Variants in ARSB observed in about 807,000 individuals in gnomAD.
ARSB encodes arylsulfatase B.
A neutral mutation model predicts 50.9 loss-of-function variants in ARSB; 41 were observed. The observed-to-expected ratio is 0.81, with a 90% CI of 0.63 to 1.04. The LOEUF is 1.04. ARSB is among the 50% of genes least tolerant of loss of function. The probability of loss-of-function intolerance (pLI) is 0.00; values close to 1 mark genes in which losing one functional copy is unlikely to be tolerated. For missense variants in ARSB, 672 were observed against 693.3 expected (o/e 0.97, Z 0.35); for synonymous variants, 269 against 284.8 (o/e 0.94, Z 0.56).
At position 78,862,906 on chromosome 5, in the gene ARSB, T is replaced by C. The variant is rs559258279; in HGVS notation, c.1142+22678A>G. 7.2e-5 allele frequency among the ~76,000 whole-genome samples: 11 copies of C among 151,848 alleles called. No individual in the cohort carries two copies. In the East Asian group the frequency reaches 1.9e-3, roughly 27 times the overall value. On this transcript the variant is annotated intron_variant, in intron 5 of 7. Transcript: ENST00000264914. The stretch of plus-strand genomic sequence containing the variant: ...TCTACAAAGAACTTAAACAAATTTA[T>C]AGGAAAAAATCAAGTAACCCCATCA...
At chr5:78,967,671 T>C (rs1279810342) in intron 2 of ARSB, among the ~76,000 whole-genome samples, 2 of 112,880 alleles carry the variant, frequency 1.8e-5, no homozygotes, top group East Asian at 4.7e-4. Context: ...AGACTCCGTA[T>C]ATAAAAAAAA....
At chr5:78,969,770 C>G (rs1752370154) in intron 1 of ARSB, among the ~76,000 whole-genome samples, 1 of 152,138 alleles carries the variant, frequency 6.6e-6, no homozygotes, top group Admixed American at 6.5e-5. Context: ...GCGCCCACCA[C>G]CATACCTAAC....
At chr5:78,796,256 A>G (rs1308292130) in intron 6 of ARSB, among the ~76,000 whole-genome samples, 2 of 152,274 alleles carry the variant, frequency 1.3e-5, no homozygotes, top group African/African-American at 4.8e-5. Context: ...TGATCACTAT[A>G]TGTGTTAGAC....
chr5:78,978,864 GA>G (rs1352056974), intron 1 of ARSB, among the ~76,000 whole-genome samples: 3 of 152,130 alleles, frequency 2.0e-5, no homozygotes, highest in African/African-American at 7.2e-5. Flanking sequence ...TGTAAAAACT[GA>G]AAACTATAAA....
At chr5:78,794,173 G>T (rs59389620) in intron 6 of ARSB, among the ~76,000 whole-genome samples, 1 of 151,988 alleles carries the variant, frequency 6.6e-6, no homozygotes, top group Admixed American at 6.6e-5. Context: ...TATAAGCTGG[G>T]TATAGGTGCT....
intron 5 of ARSB, among the ~76,000 whole-genome samples, chr5:78,858,403 C>T (rs1746261317): frequency 6.6e-6 from 1 of 152,156 alleles, no homozygotes; most frequent in Admixed American, 6.5e-5. Context: ...AGGAGACAGC[C>T]ACTGACCAGT....
intron 5 of ARSB, among the ~76,000 whole-genome samples, chr5:78,852,531 T>C (rs1745870667): frequency 6.6e-6 from 1 of 152,176 alleles, no homozygotes; most frequent in African/African-American, 2.4e-5. Context: ...GACAATTATG[T>C]GTCTTGGAGT....
chr5:78,806,300 G>A (rs16875952), intron 6 of ARSB, among the ~76,000 whole-genome samples: 36,829 of 152,220 alleles, frequency 0.24, 6,238 homozygotes, highest in African/African-American at 0.48. Context: ...CCTGAAGGAT[G>A]TCATAGGCTG....
At position 78,862,395 on chromosome 5, in the gene ARSB, T is replaced by C. The variant is rs375891436; in HGVS notation, c.1143-22969A>G. ...CAAGGCTACAGTAACCAAAACAGCA[T>C]GGTACTGGTACCAAAACAGAGATAT... On this transcript the variant is annotated intron_variant, in intron 5 of 7. Transcript: ENST00000264914. 1.2e-4 allele frequency among the ~76,000 whole-genome samples: 18 copies of C among 152,316 alleles called. No individual in the cohort carries two copies. The East Asian group carries it at 1.5e-3, about 13-fold the overall frequency.
intron 6 of ARSB, among the ~76,000 whole-genome samples, chr5:78,811,845 G>A (rs1743816251): frequency 2.0e-5 from 3 of 152,130 alleles, no homozygotes; most frequent in South Asian, 4.1e-4. Context: ...TAAAAACTCA[G>A]TATAAAAAGC....
chr5:78,839,499 C>T, intron 5 of ARSB, 73 bp from the exon 6 acceptor site: 1 of 1,367,134 alleles, frequency 7.3e-7, no homozygotes. Flanking sequence ...TACTTCCCTT[C>T]CTTGTACTTA....
At chr5:78,888,592 G>A (rs1748143807) in intron 4 of ARSB, among the ~76,000 whole-genome samples, 1 of 152,180 alleles carries the variant, frequency 6.6e-6, no homozygotes, top group African/African-American at 2.4e-5. Context: ...TCCTTCAGTT[G>A]CACATATTTG....
At chr5:78,838,826 G>C (rs963856766) in intron 6 of ARSB, among the ~76,000 whole-genome samples, 1 of 150,850 alleles carries the variant, frequency 6.6e-6, no homozygotes, top group Non-Finnish European at 1.5e-5. Flanking sequence ...GGTTAATTTA[G>C]GCAGGAGGCA....
chr5:78,808,005 A>C, intron 6 of ARSB, among the ~76,000 whole-genome samples: 1 of 140,812 alleles, frequency 7.1e-6, no homozygotes, highest in African/African-American at 2.7e-5. Flanking sequence ...AGGCAGGAGA[A>C]TGGCGTGAAC....
chr5:78,825,534 C>T (rs1744400556), intron 6 of ARSB, among the ~76,000 whole-genome samples: 1 of 152,096 alleles, frequency 6.6e-6, no homozygotes, highest in African/African-American at 2.4e-5. Flanking sequence ...TAGTTGTTAA[C>T]AATTAGAAAT....
At chr5:78,905,321 T>G (rs1749002622) in intron 4 of ARSB, among the ~76,000 whole-genome samples, 1 of 150,262 alleles carries the variant, frequency 6.7e-6, no homozygotes, top group Admixed American at 6.7e-5. Flanking sequence ...GTCTTTTCCC[T>G]TGAGTACTGC....
At position 78,859,511 on chromosome 5, in the gene ARSB, G is replaced by A. The variant is rs370272843; in HGVS notation, c.1143-20085C>T. On this transcript the variant is annotated intron_variant, in intron 5 of 7. Transcript: ENST00000264914. Reference sequence around the variant, plus strand: ...TATCCACGAAGAATTACAAAAAGATGAAAACTGGCAACAGCGTTGGAAACT... The same window carrying A: ...TATCCACGAAGAATTACAAAAAGATAAAAACTGGCAACAGCGTTGGAAACT... Among the ~76,000 whole-genome samples the A allele has an allele frequency of 1.2e-4, 18 of 152,158 alleles. No individual in the cohort carries two copies. The East Asian group carries it at 1.5e-3, about 13-fold the overall frequency.
chr5:78,804,872 T>C (rs1202579689), intron 6 of ARSB, among the ~76,000 whole-genome samples: 1 of 152,190 alleles, frequency 6.6e-6, no homozygotes, highest in African/African-American at 2.4e-5. Context: ...AAGTCTCCTG[T>C]AAAATCAAGG....
At chr5:78,956,452 T>C (rs1751732474) in intron 3 of ARSB, among the ~76,000 whole-genome samples, 1 of 152,186 alleles carries the variant, frequency 6.6e-6, no homozygotes, top group African/African-American at 2.4e-5. Flanking sequence ...GATTGTGGTA[T>C]GGTTGCATAA....
Sources: allele counts gnomAD v4.1 joint callset (sites outside exome capture counted in the v4.1 genomes callset), GRCh38; gene constraint gnomAD v4.1.1; transcripts MANE v1.5; gene names NCBI Gene and HGNC (gene_info 2026-07-23, HGNC 2026-07-21).